The following FAM13A variants were observed in gnomAD, a reference collection of about 807,000 sequenced individuals.
FAM13A encodes protein FAM13A.
In FAM13A, 76 loss-of-function variants were observed where a neutral mutation model predicts 129.6. The ratio of observed to expected loss-of-function variants is 0.59; its 90% CI spans 0.49 to 0.71. FAM13A has a LOEUF of 0.71. FAM13A is among the 30% of genes least tolerant of loss of function. The pLI is 0.00. For synonymous variants in FAM13A, 443 were observed against 449.9 expected (o/e 0.98, Z 0.20); for missense variants, 1,108 against 1,249.3 (o/e 0.89, Z 1.70).
intron 7 of FAM13A, among the ~76,000 whole-genome samples, chr4:88,845,181 T>C (rs1442704878): frequency 6.7e-6 from 1 of 148,696 alleles, no homozygotes; most frequent in Admixed American, 6.6e-5. Flanking sequence ...GTTGGAGACA[T>C]TGAAAAAAAA....
At chr4:88,854,747 G>A (rs1193285760) in intron 6 of FAM13A, among the ~76,000 whole-genome samples, 1 of 152,186 alleles carries the variant, frequency 6.6e-6, no homozygotes, top group Non-Finnish European at 1.5e-5. Context: ...TACATTCCAT[G>A]CATGTATCTG....
At chr4:88,747,578 T>C in intron 18 of FAM13A, 53 bp downstream of exon 18, 2 of 1,453,330 alleles carry the variant, frequency 1.4e-6, no homozygotes, top group Non-Finnish European at 1.9e-6. Context: ...CCTGTGTCTC[T>C]ACCACATTGA....
intron 7 of FAM13A, among the ~76,000 whole-genome samples, chr4:88,815,130 A>T (rs1210805199): frequency 6.6e-6 from 1 of 152,110 alleles, no homozygotes; most frequent in Non-Finnish European, 1.5e-5. Flanking sequence ...GGTGTGTGCC[A>T]CCGCACCCAG....
intron 1 of FAM13A, among the ~76,000 whole-genome samples, chr4:89,044,473 T>C (rs1770577573): frequency 6.6e-6 from 1 of 152,162 alleles, no homozygotes. Context: ...CTGTGCATCA[T>C]CAGTGGAAAT....
intron 5 of FAM13A, among the ~76,000 whole-genome samples, chr4:88,916,023 C>T (rs1454960250): frequency 6.6e-6 from 1 of 151,826 alleles, no homozygotes; most frequent in Non-Finnish European, 1.5e-5. Context: ...CCAAAGAAAC[C>T]TCTTATCTTT....
At chr4:88,927,098 T>C (rs956732189) in intron 5 of FAM13A, among the ~76,000 whole-genome samples, 1 of 152,170 alleles carries the variant, frequency 6.6e-6, no homozygotes, top group Non-Finnish European at 1.5e-5. Flanking sequence ...ACTGGGATGT[T>C]TTTCCATTTG....
At chr4:88,749,307 T>C (rs1408323505) in intron 16 of FAM13A, among the ~76,000 whole-genome samples, 1 of 152,148 alleles carries the variant, frequency 6.6e-6, no homozygotes, top group African/African-American at 2.4e-5. Flanking sequence ...TTGCCATTAT[T>C]TGTAGGGTTC....
At chr4:88,866,942 G>C (rs944405142) in intron 6 of FAM13A, among the ~76,000 whole-genome samples, 3 of 151,980 alleles carry the variant, frequency 2.0e-5, no homozygotes, top group African/African-American at 7.3e-5. Flanking sequence ...ATGGGCAAAG[G>C]GTACATACAT....
chr4:88,956,736 C>T (rs1435168210), intron 4 of FAM13A, among the ~76,000 whole-genome samples: 1 of 152,180 alleles, frequency 6.6e-6, no homozygotes, highest in African/African-American at 2.4e-5. Context: ...CTGTTACCCT[C>T]ACTTTCTAGC....
At chr4:89,021,872 GA>G (rs33967932) in intron 2 of FAM13A, among the ~76,000 whole-genome samples, 72,732 of 150,410 alleles carry the variant, frequency 0.48, 17,872 homozygotes, top group Middle Eastern at 0.57. Flanking sequence ...AGGAATACAG[GA>G]AAAAAAAAAC....
At chr4:88,861,316 G>A (rs572031293) in intron 6 of FAM13A, among the ~76,000 whole-genome samples, 2 of 150,080 alleles carry the variant, frequency 1.3e-5, no homozygotes, top group Non-Finnish European at 2.9e-5. Context: ...GGGAGGCAAA[G>A]GTTGCAATGA....
Position 88,996,093 on chromosome 4 carries a change from G to A in FAM13A, c.428-4943C>T, listed in dbSNP as rs146743506. Among the ~76,000 whole-genome samples, 308 of 152,336 alleles carry A rather than the reference G, an allele frequency of 2.0e-3. 1 individual carries two copies. Among genetic ancestry groups the A allele is most frequent in the African/African-American group, 6.9e-3 (285 of 41,586 alleles). On this transcript the variant is annotated intron_variant, in intron 3 of 23. Coordinates refer to ENST00000264344, the MANE Select transcript of FAM13A (RefSeq NM_014883.4). ...GCACACGCAAAGGGCCTGAGGCAGA[G>A]GTCCTGGGGCTGGGGCCAAGTGGTG...
intron 7 of FAM13A, among the ~76,000 whole-genome samples, chr4:88,849,604 T>G (rs1737211441): frequency 6.6e-6 from 1 of 152,220 alleles, no homozygotes; most frequent in South Asian, 2.1e-4. Context: ...TTTCTTAATA[T>G]CTTTCATTTA....
At chr4:88,912,490 T>C (rs1290566607) in intron 5 of FAM13A, among the ~76,000 whole-genome samples, 1 of 151,964 alleles carries the variant, frequency 6.6e-6, no homozygotes, top group African/African-American at 2.4e-5. Context: ...GCAAACAGCA[T>C]ATTATAGAGC....
At chr4:89,028,486 C>T (rs757160567) in intron 2 of FAM13A, among the ~76,000 whole-genome samples, 7 of 151,932 alleles carry the variant, frequency 4.6e-5, no homozygotes, top group African/African-American at 1.4e-4. Flanking sequence ...AGTTCAGAAC[C>T]GGCTGGGGCA....
At chr4:88,976,628 T>G (rs1349630467) in intron 4 of FAM13A, among the ~76,000 whole-genome samples, 2 of 152,058 alleles carry the variant, frequency 1.3e-5, no homozygotes, top group East Asian at 1.9e-4. Context: ...CAAAATGTCA[T>G]AGAGCAATTA....
At chr4:88,919,673 C>T (rs1035738757) in intron 5 of FAM13A, among the ~76,000 whole-genome samples, 2 of 152,116 alleles carry the variant, frequency 1.3e-5, no homozygotes, top group Non-Finnish European at 2.9e-5. Flanking sequence ...GTTCATCTCA[C>T]TAGGGAGTGC....
At chr4:88,862,475 C>T (rs553087447) in intron 6 of FAM13A, among the ~76,000 whole-genome samples, 27 of 152,292 alleles carry the variant, frequency 1.8e-4, no homozygotes, top group African/African-American at 6.5e-4. Context: ...GTATACCATG[C>T]TAAAGGGTTT....
At chr4:88,954,893 A>G (rs1022656115) in intron 4 of FAM13A, among the ~76,000 whole-genome samples, 28 of 152,024 alleles carry the variant, frequency 1.8e-4, no homozygotes, top group African/African-American at 6.7e-4. Flanking sequence ...CTCAAAAAAA[A>G]AAAAAAAGAA....
Sources: allele counts gnomAD v4.1 joint callset (sites outside exome capture counted in the v4.1 genomes callset), GRCh38; gene constraint gnomAD v4.1.1; transcripts MANE v1.5; gene names NCBI Gene and HGNC (gene_info 2026-07-23, HGNC 2026-07-21).